TMPRSS11F: variants seen among roughly 807,000 people sequenced by gnomAD.
TMPRSS11F encodes transmembrane serine protease 11F, also known as transmembrane protease serine 11F.
Under a neutral mutation model 60.2 loss-of-function variants are expected in TMPRSS11F, and 47 were observed. The ratio of observed to expected loss-of-function variants is 0.78; its 90% CI spans 0.62 to 1.00. The LOEUF (loss-of-function observed/expected upper bound fraction) is 1.00. TMPRSS11F is among the 50% of genes least tolerant of loss of function. The pLI, the probability that TMPRSS11F is intolerant of heterozygous loss-of-function variation, is 0.00. For synonymous variants in TMPRSS11F, 166 were observed against 167.3 expected (o/e 0.99, Z 0.06); for missense variants, 519 against 522.9 (o/e 0.99, Z 0.07).
At chr4:68,073,321 A>G (rs1723517949) in intron 4 of TMPRSS11F, among the ~76,000 whole-genome samples, 1 of 152,210 alleles carries the variant, frequency 6.6e-6, no homozygotes, top group African/African-American at 2.4e-5. Context: ...TCAAATATAT[A>G]AATTTAAATT....
chr4:68,062,432 G>A lies in TMPRSS11F; in HGVS notation c.1015+2253C>T, dbSNP rs1284214006. ...AGAACTTAAAGCATTTTGGTAAAAG[G>A]TTGAATATGATTCTTCAAAGAACAG... On this transcript the variant is annotated intron_variant, in intron 8 of 9. Transcript: ENST00000356291. 4.8e-6 allele frequency: 3 copies of A among 625,150 alleles called. No homozygotes were observed. In the Admixed American group the frequency reaches 5.6e-5, roughly 12 times the overall value. The allele number at this position is 625,150 out of a possible 1,614,324, so 38.7% of individuals were successfully genotyped here. A position where few individuals can be genotyped will look rare whatever the true frequency, so the allele number is the denominator to read the frequency against.
chr4:68,102,591 T>C (rs1724215904), intron 1 of TMPRSS11F, among the ~76,000 whole-genome samples: 2 of 152,190 alleles, frequency 1.3e-5, no homozygotes, highest in Admixed American at 6.5e-5. Context: ...AACCTTTTCA[T>C]ATACTGTTGA....
At chr4:68,114,624 CT>C (rs982082462) in intron 1 of TMPRSS11F, among the ~76,000 whole-genome samples, 1 of 151,538 alleles carries the variant, frequency 6.6e-6, no homozygotes, top group Non-Finnish European at 1.5e-5. Context: ...AAAGGAAATG[CT>C]TCCAATTTTT....
At position 68,059,314 on chromosome 4, in the gene TMPRSS11F, C is replaced by A. The variant is rs758896270; in HGVS notation, c.1158+12G>T. Reference sequence around the variant, plus strand: ...TTTCCTCATAAACTTTTGGCCTTGACTTTAAACTTACCTTACATGCATCTA... The same window carrying A: ...TTTCCTCATAAACTTTTGGCCTTGAATTTAAACTTACCTTACATGCATCTA... On this transcript the variant is annotated intron_variant, in intron 9 of 9. Transcript: ENST00000356291. 1.9e-6 allele frequency: 3 copies of A among 1,611,972 alleles called. No homozygotes were observed. In the Admixed American group the frequency reaches 5.0e-5, roughly 27 times the overall value.
chr4:68,102,042 T>A (rs1029743904), intron 1 of TMPRSS11F, among the ~76,000 whole-genome samples: 10 of 152,266 alleles, frequency 6.6e-5, no homozygotes, highest in South Asian at 6.2e-4. Flanking sequence ...TTTTATTTTT[T>A]AAAAAATATT....
intron 6 of TMPRSS11F, among the ~76,000 whole-genome samples, chr4:68,069,062 T>C (rs919830794): frequency 6.6e-6 from 1 of 152,194 alleles, no homozygotes; most frequent in Non-Finnish European, 1.5e-5. Flanking sequence ...AAAGCATATA[T>C]AGATAATTCA....
chr4:68,075,124 T>C (rs1723557555), intron 3 of TMPRSS11F, among the ~76,000 whole-genome samples: 1 of 151,736 alleles, frequency 6.6e-6, no homozygotes, highest in East Asian at 1.9e-4. Flanking sequence ...GTAGGGAAAG[T>C]CTCCCTCCCC....
intron 2 of TMPRSS11F, among the ~76,000 whole-genome samples, chr4:68,092,778 A>G (rs1723970434): frequency 6.6e-6 from 1 of 152,184 alleles, no homozygotes; most frequent in South Asian, 2.1e-4. Context: ...TCTATTCATT[A>G]TCATATACAT....
intron 1 of TMPRSS11F, among the ~76,000 whole-genome samples, chr4:68,124,650 T>C (rs971552042): frequency 6.6e-6 from 1 of 152,202 alleles, no homozygotes; most frequent in African/African-American, 2.4e-5. Context: ...TGCCTAATTA[T>C]AAAAAGAAGC....
chr4:68,101,287 T>C (rs1031154833), intron 1 of TMPRSS11F, among the ~76,000 whole-genome samples: 1 of 152,132 alleles, frequency 6.6e-6, no homozygotes, highest in African/African-American at 2.4e-5. Flanking sequence ...TGTTTTGAAG[T>C]GTAGCTGGCA....
At chr4:68,098,839 C>A in intron 2 of TMPRSS11F, 48 bp downstream of exon 2, 2 of 1,513,542 alleles carry the variant, frequency 1.3e-6, no homozygotes, top group South Asian at 1.3e-5. Context: ...TTTCAAGATA[C>A]GAAGTCATGG....
intron 1 of TMPRSS11F, among the ~76,000 whole-genome samples, chr4:68,127,344 A>T (rs1476693705): frequency 6.6e-6 from 1 of 152,118 alleles, no homozygotes; most frequent in African/African-American, 2.4e-5. Flanking sequence ...GCAGCATGTC[A>T]GTATTTGTTT....
intron 3 of TMPRSS11F, chr4:68,077,522 T>C (rs1365353337): frequency 2.6e-5 from 4 of 152,330 alleles, no homozygotes; most frequent in African/African-American, 9.6e-5. Context: ...ATTTGGGCCA[T>C]CCTGGTGATG....
rs1723105760 is a variant in TMPRSS11F, at chr4:68,059,218, G to A, written c.1158+108C>T. ...TGATTATTAAATAAAGTCAGTTCTC[G>A]GTGTAAGAGATGCCATTTTTTTTTC... On this transcript the variant is annotated intron_variant, in intron 9 of 9. Transcript: ENST00000356291. 7 of 1,082,156 alleles carry A rather than the reference G, an allele frequency of 6.5e-6. 1 individual carries two copies. The Admixed American group carries it at 7.7e-5, about 12-fold the overall frequency. The allele number at this position is 1,082,156 out of a possible 1,614,324, so 67.0% of individuals were successfully genotyped here.
chr4:68,062,018 T>C (rs1464012395), intron 8 of TMPRSS11F: 9 of 453,374 alleles, frequency 2.0e-5, no homozygotes, highest in Admixed American at 1.6e-4. Context: ...AAGGAACATG[T>C]CTGAAATAAA....
intron 3 of TMPRSS11F, among the ~76,000 whole-genome samples, chr4:68,083,673 A>G (rs945578570): frequency 2.6e-5 from 4 of 152,190 alleles, no homozygotes; most frequent in Non-Finnish European, 5.9e-5. Flanking sequence ...ATAATAAAAA[A>G]AGCCCCATTC....
chr4:68,086,327 G>A (rs547604525), intron 3 of TMPRSS11F, among the ~76,000 whole-genome samples: 112 of 76,658 alleles, frequency 1.5e-3, no homozygotes, highest in South Asian at 4.1e-3. Context: ...TTGAAATTAG[G>A]GACAGTAAAG....
At chr4:68,087,762 A>G (rs1723844340) in intron 3 of TMPRSS11F, among the ~76,000 whole-genome samples, 1 of 151,646 alleles carries the variant, frequency 6.6e-6, no homozygotes, top group African/African-American at 2.4e-5. Flanking sequence ...GTACATATGC[A>G]CAATGTGCAG....
intron 8 of TMPRSS11F, chr4:68,062,595 C>CT (rs763323580): frequency 3.5e-6 from 3 of 860,970 alleles, no homozygotes; most frequent in Non-Finnish European, 6.0e-6. Flanking sequence ...CCTTTTGACT[C>CT]TTTCATTTCA....
Sources: allele counts gnomAD v4.1 joint callset (sites outside exome capture counted in the v4.1 genomes callset), GRCh38; gene constraint gnomAD v4.1.1; transcripts MANE v1.5; gene names NCBI Gene and HGNC (gene_info 2026-07-23, HGNC 2026-07-21).